AFF1: variants seen among roughly 807,000 people sequenced by gnomAD.
The protein encoded by AFF1 is ALF transcription elongation factor 1.
In AFF1, 48 loss-of-function variants were observed where a neutral mutation model predicts 121.7. The ratio of observed to expected loss-of-function variants is 0.39; its 90% CI spans 0.31 to 0.50. The LOEUF (loss-of-function observed/expected upper bound fraction) is 0.50. AFF1 is among the 20% of genes least tolerant of loss of function. The pLI is 0.76. For synonymous variants in AFF1, 613 were observed against 563.0 expected, an observed-to-expected ratio of 1.09 and a Z score of -1.26; for missense variants, 1,523 against 1,511.7, an observed-to-expected ratio of 1.01 and a Z score of -0.12.
intron 2 of AFF1, among the ~76,000 whole-genome samples, chr4:86,971,532 C>A (rs1460659144): frequency 6.6e-6 from 1 of 152,184 alleles, no homozygotes; most frequent in African/African-American, 2.4e-5. Context: ...CCAGCTGTTC[C>A]TTGCAGATGC....
At chr4:86,981,696 G>C (rs1187319699) in intron 2 of AFF1, among the ~76,000 whole-genome samples, 2 of 152,134 alleles carry the variant, frequency 1.3e-5, no homozygotes, top group African/African-American at 4.8e-5. Context: ...AATAGCTCCA[G>C]CCCCCAACAC....
chr4:87,114,304 A>G (rs1398498825), intron 11 of AFF1, 63 bp from the exon 12 acceptor site: 3 of 1,435,910 alleles, frequency 2.1e-6, no homozygotes, highest in African/African-American at 2.9e-5. Flanking sequence ...TGGGTGACTA[A>G]CACAAAAGAA....
intron 12 of AFF1, among the ~76,000 whole-genome samples, chr4:87,117,342 G>A (rs1054300444): frequency 1.3e-5 from 2 of 152,140 alleles, no homozygotes; most frequent in Admixed American, 6.5e-5. Context: ...TCTTTAAAGC[G>A]CTGTCAAGCT....
chr4:86,945,521 T>TTTTTTTTTTTG (rs142494443), intron 1 of AFF1, among the ~76,000 whole-genome samples: 1 of 147,876 alleles, frequency 6.8e-6, no homozygotes, highest in African/African-American at 2.5e-5. Context: ...TTTTTTTTTT[T>TTTTTTTTTTTG]AGACAGGGTC....
chr4:87,111,372 G>C (rs1221408931), intron 11 of AFF1, among the ~76,000 whole-genome samples: 1 of 151,472 alleles, frequency 6.6e-6, no homozygotes. Context: ...TATTTTTATT[G>C]AGATGGAGTC....
chr4:86,945,319 C>CTT lies in AFF1; in HGVS notation c.-36-3157_-36-3156dup, dbSNP rs72025655. Among the ~76,000 whole-genome samples the CTT allele has an allele frequency of 4.4e-3, 486 of 111,504 alleles. 8 individuals carry two copies. Among genetic ancestry groups the CTT allele is most frequent in the East Asian group, 0.037 (141 of 3,806 alleles). 73.2% of individuals were successfully genotyped at this position (111,504 alleles called of 152,430 possible). On this transcript the variant is annotated intron_variant, in intron 1 of 20. Transcript: ENST00000395146. ...TTAGTATCTTCCTTATTTTCTTTTC[C>CTT]TTTTTTTTTTTTTTTTTTTTTTTGA... is the stretch of plus-strand genomic sequence containing the variant.
At chr4:86,948,628 T>G (rs550262806) in intron 2 of AFF1, 57 bp downstream of exon 2, 1 of 1,482,056 alleles carries the variant, frequency 6.7e-7, no homozygotes. Flanking sequence ...ATAATCTACT[T>G]TTCAATGAAT....
At chr4:87,007,003 T>G in intron 2 of AFF1, 1 of 1,096,582 alleles carries the variant, frequency 9.1e-7, no homozygotes, top group African/African-American at 1.6e-5. Flanking sequence ...TTTCTTTTCC[T>G]TTCTAACTGT....
intron 2 of AFF1, among the ~76,000 whole-genome samples, chr4:87,045,895 G>A (rs1730638378): frequency 6.6e-6 from 1 of 152,062 alleles, no homozygotes; most frequent in South Asian, 2.1e-4. Context: ...GTTCAGTTTG[G>A]AACCAGTCCT....
chr4:86,980,550 T>C (rs1723653575), intron 2 of AFF1, among the ~76,000 whole-genome samples: 1 of 152,170 alleles, frequency 6.6e-6, no homozygotes, highest in South Asian at 2.1e-4. Flanking sequence ...TTAATATACC[T>C]GTAAAAGGAA....
At chr4:87,099,747 G>C (rs1390610469) in intron 8 of AFF1, among the ~76,000 whole-genome samples, 1 of 152,138 alleles carries the variant, frequency 6.6e-6, no homozygotes, top group Non-Finnish European at 1.5e-5. Flanking sequence ...TAGGTACTTG[G>C]AGAAACTGTG....
At chr4:86,999,946 T>C (rs1725553487) in intron 2 of AFF1, among the ~76,000 whole-genome samples, 1 of 152,106 alleles carries the variant, frequency 6.6e-6, no homozygotes, top group African/African-American at 2.4e-5. Context: ...GCCTGGAGCA[T>C]CCTGTAGTAA....
At chr4:87,127,757 AT>A in intron 16 of AFF1, 54 bp downstream of exon 16, 2 of 1,584,408 alleles carry the variant, frequency 1.3e-6, no homozygotes, top group Non-Finnish European at 1.7e-6. Context: ...AGTAAAAAAA[AT>A]TTTTGGTAGT....
chr4:87,096,298 CTTTTTTTTTT>C (rs10593271), intron 8 of AFF1, among the ~76,000 whole-genome samples: 2 of 57,062 alleles, frequency 3.5e-5, no homozygotes, highest in African/African-American at 1.4e-4. Context: ...TTGTTATTCC[CTTTTTTTTTT>C]TTTTTTTTTT....
intron 4 of AFF1, among the ~76,000 whole-genome samples, chr4:87,078,380 C>G (rs1722872118): frequency 6.6e-6 from 1 of 152,104 alleles, no homozygotes; most frequent in Non-Finnish European, 1.5e-5. Flanking sequence ...AACATGCCAG[C>G]CATTGTTTAT....
At chr4:86,951,220 C>T (rs1192147115) in intron 2 of AFF1, among the ~76,000 whole-genome samples, 1 of 152,122 alleles carries the variant, frequency 6.6e-6, no homozygotes, top group Non-Finnish European at 1.5e-5. Context: ...CTTTCTAATT[C>T]AGAACTTCCC....
At chr4:87,119,921 G>T (rs1277140625) in intron 12 of AFF1, among the ~76,000 whole-genome samples, 2 of 152,206 alleles carry the variant, frequency 1.3e-5, no homozygotes, top group Non-Finnish European at 2.9e-5. Flanking sequence ...GATTGGTTCA[G>T]TCCTTCCCTT....
rs112242589 is a variant in AFF1 at position 87,061,397 on chromosome 4, T to G, written c.1059+13803T>G. On this transcript the variant is annotated intron_variant, in intron 4 of 20. Coordinates refer to ENST00000395146, the MANE Select transcript of AFF1 (RefSeq NM_001166693.3). The stretch of plus-strand genomic sequence containing the variant: ...GGCCATGTTTAGCACAACAGGAGAT[T>G]CTTCTCTTAAAAATGAATGCATCTC... 8.6e-4 allele frequency among the ~76,000 whole-genome samples: 131 copies of G among 152,312 alleles called. 3 individuals are homozygous for G. Among genetic ancestry groups the G allele is most frequent in the Middle Eastern group, 6.8e-3 (2 of 294 alleles).
At chr4:87,059,303 CT>C (rs1469600207) in intron 4 of AFF1, among the ~76,000 whole-genome samples, 3 of 152,210 alleles carry the variant, frequency 2.0e-5, no homozygotes, top group Non-Finnish European at 4.4e-5. Flanking sequence ...TTGTGCCCCC[CT>C]CTCCCTGTAT....
Sources: allele counts gnomAD v4.1 joint callset (sites outside exome capture counted in the v4.1 genomes callset), GRCh38; gene constraint gnomAD v4.1.1; transcripts MANE v1.5; gene names NCBI Gene and HGNC (gene_info 2026-07-23, HGNC 2026-07-21).